The following DNAI4 variants were observed in gnomAD, a reference collection of about 807,000 sequenced individuals.
The protein encoded by DNAI4 is dynein axonemal intermediate chain 4, also known as WD repeat domain 78.
Under a neutral mutation model 105.8 loss-of-function variants are expected in DNAI4, and 85 were observed. The ratio of observed to expected loss-of-function variants is 0.80; its 90% CI spans 0.67 to 0.96. The LOEUF is 0.96. Ranked by LOEUF, DNAI4 falls within the 40% of genes least tolerant of loss-of-function variation. The pLI is 0.00. For synonymous variants in DNAI4, 352 were observed against 331.5 expected (o/e 1.06, Z -0.67); for missense variants, 1,014 against 1,005.6 (o/e 1.01, Z -0.11).
intron 1 of DNAI4, among the ~76,000 whole-genome samples, chr1:66,908,947 C>A (rs1649455450): frequency 6.6e-6 from 1 of 152,172 alleles, no homozygotes; most frequent in Admixed American, 6.5e-5. Flanking sequence ...TATGCACTTG[C>A]CTATATCTGT....
chr1:66,885,187 T>C (rs1020251323), intron 4 of DNAI4, among the ~76,000 whole-genome samples: 1 of 152,250 alleles, frequency 6.6e-6, no homozygotes, highest in African/African-American at 2.4e-5. Flanking sequence ...ATTGCTATTG[T>C]CATCTGAGCA....
At chr1:66,827,408 T>G (rs112999988) in intron 14 of DNAI4, among the ~76,000 whole-genome samples, 6 of 152,042 alleles carry the variant, frequency 3.9e-5, no homozygotes, top group African/African-American at 1.4e-4. Context: ...CCCAGCTGCT[T>G]TAGAGGCTAA....
rs747069069 is a variant in DNAI4, at chr1:66,892,999, G to GAAAGAAAGAA, written c.530+229_530+230insTTCTTTCTTT. Among the ~76,000 whole-genome samples, 40 of 70,272 alleles carry GAAAGAAAGAA rather than the reference G, an allele frequency of 5.7e-4. 1 individual carries two copies. Among genetic ancestry groups the GAAAGAAAGAA allele is most frequent in the African/African-American group, 2.1e-3 (35 of 16,332 alleles). The allele number at this position is 70,272 out of a possible 152,430, so 46.1% of individuals were successfully genotyped here. ...AAAGAAAGAAAGAAAGAAAGAAAGAGAGAAAGAGAGAGAGGAAAGAAAGAA... is the reference window on the plus strand; with the variant it reads ...AAAGAAAGAAAGAAAGAAAGAAAGAGAAAGAAAGAAAGAAAGAGAGAGAGGAAAGAAAGAA... On this transcript the variant is annotated intron_variant, in intron 3 of 16. Coordinates refer to ENST00000371026, the MANE Select transcript of DNAI4 (RefSeq NM_024763.5).
At chr1:66,836,576 T>C (rs1209253193) in intron 10 of DNAI4, among the ~76,000 whole-genome samples, 7 of 152,206 alleles carry the variant, frequency 4.6e-5, no homozygotes, top group Non-Finnish European at 1.0e-4. Context: ...TACAACCCCA[T>C]GAAGAGTTTG....
chr1:66,824,817 G>T lies in DNAI4; in HGVS notation c.2339+2003C>A, dbSNP rs572965000. The stretch of plus-strand genomic sequence containing the variant: ...GCTTAAGGATAATTCACTAGAATTT[G>T]AATAAAGCTGATTACCCTCCATAAT... On this transcript the variant is annotated intron_variant, in intron 15 of 16. Coordinates refer to ENST00000371026, the MANE Select transcript of DNAI4 (RefSeq NM_024763.5). Among the ~76,000 whole-genome samples the T allele has an allele frequency of 2.6e-5, 4 of 152,270 alleles. No homozygotes were observed. In the East Asian group the frequency reaches 7.7e-4, roughly 29 times the overall value.
At chr1:66,853,080 C>A (rs920438758) in intron 7 of DNAI4, among the ~76,000 whole-genome samples, 1 of 152,158 alleles carries the variant, frequency 6.6e-6, no homozygotes, top group African/African-American at 2.4e-5. Context: ...AGGTGAGACA[C>A]CATGAGGAAG....
At position 66,871,365 on chromosome 1, in the gene DNAI4, A is replaced by G. The variant is rs1646841730; in HGVS notation, c.940+5T>C. On this transcript the variant is annotated splice_donor_5th_base_variant and intron_variant, in intron 6 of 16. Coordinates refer to ENST00000371026, the MANE Select transcript of DNAI4 (RefSeq NM_024763.5). ...TAGTTTATCAAGCAGAATGATAGAA[A>G]TTACCTTTATCTTCCATTATGATTT... is the stretch of plus-strand genomic sequence containing the variant. 1.2e-6 allele frequency: 2 copies of G among 1,602,388 alleles called. No individual in the cohort carries two copies. Among genetic ancestry groups the G allele is most frequent in the Non-Finnish European group, 1.7e-6 (2 of 1,174,950 alleles).
chr1:66,820,171 A>G (rs1645595904), intron 16 of DNAI4, among the ~76,000 whole-genome samples: 1 of 152,176 alleles, frequency 6.6e-6, no homozygotes, highest in African/African-American at 2.4e-5. Context: ...AACATGTTTA[A>G]TATCATGAAA....
chr1:66,878,620 A>G (rs1396174909), intron 4 of DNAI4, among the ~76,000 whole-genome samples: 1 of 152,180 alleles, frequency 6.6e-6, no homozygotes, highest in African/African-American at 2.4e-5. Flanking sequence ...ATGTTCATCT[A>G]TATCTCTATT....
At chr1:66,822,539 G>A in intron 15 of DNAI4, 22 bp from the exon 16 acceptor site, 2 of 1,543,234 alleles carry the variant, frequency 1.3e-6, no homozygotes, top group Non-Finnish European at 1.7e-6. Flanking sequence ...TATTTTATTT[G>A]TAAATTCAAT....
chr1:66,846,919 T>G (rs1646288990), intron 8 of DNAI4, among the ~76,000 whole-genome samples: 1 of 152,214 alleles, frequency 6.6e-6, no homozygotes, highest in Admixed American at 6.5e-5. Context: ...GAGATGCGAT[T>G]TGTAGCAATG....
Position 66,837,809 on chromosome 1 carries a change from A to C in DNAI4, c.1495-13T>G. ...CAGCCAAAAGATCCTGAAAACCAGA[A>C]AAATACATTTAAAAATAAGAGAAGA... On this transcript the variant is annotated splice_polypyrimidine_tract_variant and intron_variant, in intron 9 of 16. Coordinates refer to ENST00000371026, the MANE Select transcript of DNAI4 (RefSeq NM_024763.5). 6.3e-7 allele frequency: 1 copy of C among 1,592,052 alleles called. No individual in the cohort carries two copies. The highest frequency in any genetic ancestry group is 8.5e-7 in the Non-Finnish European group (1 of 1,172,966).
Position 66,905,332 on chromosome 1 carries a change from T to C in DNAI4, c.214A>G (p.Thr72Ala). 1.3e-6 allele frequency: 2 copies of C among 1,525,702 alleles called. No homozygotes were observed. The highest frequency in any genetic ancestry group is 2.3e-5 in the East Asian group (1 of 43,386). The allele number at this position is 1,525,702 out of a possible 1,614,324, so 94.5% of individuals were successfully genotyped here. A position where few individuals can be genotyped will look rare whatever the true frequency, so the allele number is the denominator to read the frequency against. The change falls in exon 2 of 17, where the codon ACA becomes GCA. Residue 72 changes from threonine (T) to alanine (A), a missense_variant. Coordinates refer to ENST00000371026, the MANE Select transcript of DNAI4 (RefSeq NM_024763.5). ...CCTTTCACTGAAGTTGCTTTCATTG[T>C]AGCAAAAAAGCTAATAGACTTCTTT... Reference protein sequence around the residue: ...QPKKSISFFATMKATSVKGYT... With the variant: ...QPKKSISFFAAMKATSVKGYT...
chr1:66,837,901 G>A, intron 9 of DNAI4, 105 bp from the exon 10 acceptor site: 1 of 1,116,476 alleles, frequency 9.0e-7, no homozygotes, highest in South Asian at 1.6e-5. Context: ...ATAGTAGTAA[G>A]ACATTTCATC....
Position 66,891,133 on chromosome 1 carries a change from A to C in DNAI4, c.643+21T>G. On this transcript the variant is annotated intron_variant, in intron 4 of 16. Coordinates refer to ENST00000371026, the MANE Select transcript of DNAI4 (RefSeq NM_024763.5). Reference sequence around the variant, plus strand: ...CTAAATAACGGACTGTTACTGAAATAAACAAGTATATTTTCATTACCTGTG... The same window carrying C: ...CTAAATAACGGACTGTTACTGAAATCAACAAGTATATTTTCATTACCTGTG... The C allele has an allele frequency of 3.3e-6, 5 of 1,523,288 alleles. No individual in the cohort carries two copies. In the South Asian group the frequency reaches 5.6e-5, roughly 17 times the overall value. 94.4% of individuals were successfully genotyped at this position (1,523,288 alleles called of 1,614,324 possible). A position where few individuals can be genotyped will look rare whatever the true frequency, so the allele number is the denominator to read the frequency against.
chr1:66,916,525 C>T (rs1650084950), intron 1 of DNAI4, among the ~76,000 whole-genome samples: 1 of 152,088 alleles, frequency 6.6e-6, no homozygotes, highest in African/African-American at 2.4e-5. Flanking sequence ...TAATTAAAGC[C>T]ATTCAACTCT....
chr1:66,898,981 TACA>T (rs747994598), intron 2 of DNAI4, among the ~76,000 whole-genome samples: 2 of 152,232 alleles, frequency 1.3e-5, no homozygotes, highest in Non-Finnish European at 2.9e-5. Context: ...TGTATGGCTA[TACA>T]ACATTTTCTT....
chr1:66,822,981 C>G (rs1249114661), intron 15 of DNAI4, among the ~76,000 whole-genome samples: 1 of 151,622 alleles, frequency 6.6e-6, no homozygotes, highest in Non-Finnish European at 1.5e-5. Flanking sequence ...ATAGGTATAC[C>G]TGTGCCATGC....
chr1:66,921,690 A>C (rs1281193107), intron 1 of DNAI4, among the ~76,000 whole-genome samples: 1 of 152,170 alleles, frequency 6.6e-6, no homozygotes, highest in Non-Finnish European at 1.5e-5. Flanking sequence ...TCTATACCTT[A>C]AGGTGAAAAC....
Sources: allele counts gnomAD v4.1 joint callset (sites outside exome capture counted in the v4.1 genomes callset), GRCh38; gene constraint gnomAD v4.1.1; transcripts MANE v1.5; gene names NCBI Gene and HGNC (gene_info 2026-07-23, HGNC 2026-07-21).